The following LRIG1 variants were observed in gnomAD, a reference collection of about 807,000 sequenced individuals.
The protein encoded by LRIG1 is leucine-rich repeats and immunoglobulin-like domains protein 1.
A neutral mutation model predicts 99.2 loss-of-function variants in LRIG1; 48 were observed. That is an observed-to-expected ratio of 0.48 (90% CI 0.38 to 0.62). The LOEUF (loss-of-function observed/expected upper bound fraction) is 0.62. Ranked by LOEUF, LRIG1 falls within the 20% of genes least tolerant of loss-of-function variation. The pLI, the probability that LRIG1 is intolerant of heterozygous loss-of-function variation, is 0.00. For synonymous variants in LRIG1, 772 were observed against 596.1 expected (o/e 1.29, Z -4.30); for missense variants, 1,646 against 1,434.4 (o/e 1.15, Z -2.38).
chr3:66,499,781 A>T (rs1298439678), intron 1 of LRIG1, among the ~76,000 whole-genome samples: 1 of 152,066 alleles, frequency 6.6e-6, no homozygotes, highest in Non-Finnish European at 1.5e-5. Flanking sequence ...AGGAAAAGGA[A>T]ACGCACCCAC....
chr3:66,452,207 GA>G (rs746643611), intron 2 of LRIG1, among the ~76,000 whole-genome samples: 1 of 152,182 alleles, frequency 6.6e-6, no homozygotes, highest in Non-Finnish European at 1.5e-5. Context: ...CATCCCCCAG[GA>G]AAATGAACAT....
chr3:66,451,606 C>G lies in LRIG1; in HGVS notation c.318G>C (p.Ala106=), dbSNP rs748802516. 6.2e-7 allele frequency: 1 copy of G among 1,613,750 alleles called. No homozygotes were observed. Among genetic ancestry groups the G allele is most frequent in the African/African-American group, 1.3e-5 (1 of 74,870 alleles). The change falls in exon 3 of 19, where the codon GCG becomes GCC. Residue 106 remains alanine (A), a synonymous_variant. Coordinates refer to ENST00000273261, the MANE Select transcript of LRIG1 (RefSeq NM_015541.3). ...EVYLNNNELT[A]VPSLGAASSH... The stretch of plus-strand genomic sequence containing the variant: ...ATGAAGCAGCGCCCAGGGATGGTAC[C>G]GCTGTCAACTCATTATTATTGAGGT...
At chr3:66,449,440 T>C (rs982529153) in intron 3 of LRIG1, among the ~76,000 whole-genome samples, 2 of 152,248 alleles carry the variant, frequency 1.3e-5, no homozygotes, top group African/African-American at 4.8e-5. Context: ...TAACTCTCTT[T>C]TTTTTCTCTC....
intron 11 of LRIG1, among the ~76,000 whole-genome samples, chr3:66,396,014 G>A (rs538605065): frequency 5.3e-5 from 8 of 152,362 alleles, no homozygotes; most frequent in African/African-American, 1.9e-4. Flanking sequence ...AGGAACAAAC[G>A]GGAAAACAAA....
intron 1 of LRIG1, among the ~76,000 whole-genome samples, chr3:66,468,546 G>A (rs999539781): frequency 6.6e-6 from 1 of 152,178 alleles, no homozygotes; most frequent in Non-Finnish European, 1.5e-5. Context: ...GCTTTCAGAT[G>A]TTTGCTAAAC....
At chr3:66,491,158 T>G (rs1008158402) in intron 1 of LRIG1, among the ~76,000 whole-genome samples, 4 of 152,202 alleles carry the variant, frequency 2.6e-5, no homozygotes, top group Non-Finnish European at 4.4e-5. Context: ...TAAAGCAGCC[T>G]CAAGTAGCCA....
chr3:66,456,017 A>C (rs910635575), intron 2 of LRIG1, among the ~76,000 whole-genome samples: 1 of 152,364 alleles, frequency 6.6e-6, no homozygotes, highest in Non-Finnish European at 1.5e-5. Flanking sequence ...TTAAGAAAGG[A>C]AACTGAGGCA....
At chr3:66,497,661 A>G (rs983870467) in intron 1 of LRIG1, among the ~76,000 whole-genome samples, 3 of 147,088 alleles carry the variant, frequency 2.0e-5, no homozygotes, top group Admixed American at 7.1e-5. Flanking sequence ...TATTTTTCTT[A>G]TATCAGGCCT....
chr3:66,493,422 A>T (rs1480933670), intron 1 of LRIG1, among the ~76,000 whole-genome samples: 1 of 152,206 alleles, frequency 6.6e-6, no homozygotes, highest in African/African-American at 2.4e-5. Flanking sequence ...ATCTGTTGCA[A>T]CTGTTCATAG....
At chr3:66,468,383 TAATTCAAA>T (rs1318552415) in intron 1 of LRIG1, among the ~76,000 whole-genome samples, 1 of 152,232 alleles carries the variant, frequency 6.6e-6, no homozygotes, top group Non-Finnish European at 1.5e-5. Flanking sequence ...ATTAACAGAA[TAATTCAAA>T]GTGGAAGGAA....
intron 12 of LRIG1, among the ~76,000 whole-genome samples, chr3:66,392,934 C>A (rs759902397): frequency 6.6e-6 from 1 of 152,130 alleles, no homozygotes; most frequent in Non-Finnish European, 1.5e-5. Flanking sequence ...TAAGACAGAT[C>A]GGTATGAAAA....
chr3:66,439,116 G>C (rs567245863), intron 3 of LRIG1, among the ~76,000 whole-genome samples: 2 of 152,352 alleles, frequency 1.3e-5, no homozygotes, highest in Admixed American at 6.5e-5. Flanking sequence ...CGTGAGGAAA[G>C]CCAGGTGGTG....
rs569922016 is a variant in LRIG1, at chr3:66,409,789, C to A, written c.935+340G>T. The A allele has an allele frequency of 1.4e-5, 3 of 219,352 alleles. No homozygotes were observed. The South Asian group carries it at 3.6e-4, about 26-fold the overall frequency. 13.6% of individuals were successfully genotyped at this position (219,352 alleles called of 1,614,324 possible). ...ACTCTCAAAATGGCTCCTGTGAGCA[C>A]TCTGCCATAGCTGCCCTTCCCCAGG... On this transcript the variant is annotated intron_variant, in intron 7 of 18. Coordinates refer to ENST00000273261, the MANE Select transcript of LRIG1 (RefSeq NM_015541.3).
At chr3:66,414,568 C>T (rs375287519) in intron 5 of LRIG1, among the ~76,000 whole-genome samples, 12 of 152,192 alleles carry the variant, frequency 7.9e-5, no homozygotes, top group East Asian at 1.9e-4. Flanking sequence ...ACAGATTTTA[C>T]GGGTATCTTA....
intron 2 of LRIG1, among the ~76,000 whole-genome samples, chr3:66,457,138 A>G (rs1411513497): frequency 6.6e-6 from 1 of 152,148 alleles, no homozygotes; most frequent in Non-Finnish European, 1.5e-5. Context: ...CTGTGGCTCC[A>G]TTCTCAATGA....
chr3:66,394,938 T>C (rs1701784908), intron 11 of LRIG1, among the ~76,000 whole-genome samples: 1 of 152,242 alleles, frequency 6.6e-6, no homozygotes, highest in Non-Finnish European at 1.5e-5. Flanking sequence ...ATGCACAACT[T>C]TAGCTTTGTG....
At chr3:66,419,761 C>T (rs1702744702) in intron 3 of LRIG1, among the ~76,000 whole-genome samples, 1 of 151,942 alleles carries the variant, frequency 6.6e-6, no homozygotes, top group Non-Finnish European at 1.5e-5. Flanking sequence ...GCTCCACCCT[C>T]TGATCAAAGC....
chr3:66,436,748 T>C (rs1703373362), intron 3 of LRIG1, among the ~76,000 whole-genome samples: 2 of 152,142 alleles, frequency 1.3e-5, no homozygotes, highest in South Asian at 2.1e-4. Context: ...GAAGCAGCAC[T>C]CTCTACTGCC....
intron 2 of LRIG1, among the ~76,000 whole-genome samples, chr3:66,458,114 CCTTTT>C (rs1700271598): frequency 1.3e-5 from 2 of 152,148 alleles, no homozygotes; most frequent in African/African-American, 4.8e-5. Flanking sequence ...CAGAGAAACT[CCTTTT>C]ATTTTTATTA....
Sources: allele counts gnomAD v4.1 joint callset (sites outside exome capture counted in the v4.1 genomes callset), GRCh38; gene constraint gnomAD v4.1.1; transcripts MANE v1.5; gene names NCBI Gene and HGNC (gene_info 2026-07-23, HGNC 2026-07-21).